The following KCTD8 variants were observed in gnomAD, a reference collection of about 807,000 sequenced individuals.
KCTD8 encodes the protein BTB/POZ domain-containing protein KCTD8.
A neutral mutation model predicts 31.5 loss-of-function variants in KCTD8; 27 were observed. The ratio of observed to expected loss-of-function variants is 0.86; its 90% CI spans 0.63 to 1.18. KCTD8 has a LOEUF of 1.18. Among genes scored for constraint, KCTD8 ranks in the 50% most tolerant of loss-of-function variants. KCTD8 has a pLI of 0.00. For synonymous variants in KCTD8, 290 were observed against 280.0 expected (o/e 1.04, Z -0.36); for missense variants, 658 against 647.7 (o/e 1.02, Z -0.17).
At chr4:44,381,763 C>T (rs570659281) in intron 1 of KCTD8, among the ~76,000 whole-genome samples, 2 of 151,968 alleles carry the variant, frequency 1.3e-5, no homozygotes, top group African/African-American at 4.8e-5. Flanking sequence ...TGCCTCCCCA[C>T]TTCTCTCTTG....
At chr4:44,418,435 T>C (rs1721130979) in intron 1 of KCTD8, among the ~76,000 whole-genome samples, 1 of 151,814 alleles carries the variant, frequency 6.6e-6, no homozygotes, top group Non-Finnish European at 1.5e-5. Flanking sequence ...AATATCTTTC[T>C]AACCAATTAT....
At chr4:44,268,155 G>A (rs1716451342) in intron 1 of KCTD8, among the ~76,000 whole-genome samples, 1 of 152,092 alleles carries the variant, frequency 6.6e-6, no homozygotes, top group Admixed American at 6.6e-5. Flanking sequence ...TAAAATACTG[G>A]CAAACCGAAT....
At chr4:44,250,662 C>T (rs1312929583) in intron 1 of KCTD8, among the ~76,000 whole-genome samples, 1 of 151,728 alleles carries the variant, frequency 6.6e-6, no homozygotes, top group Non-Finnish European at 1.5e-5. Context: ...AGTTGATGAT[C>T]ATTTTATATA....
intron 1 of KCTD8, among the ~76,000 whole-genome samples, chr4:44,317,970 T>G (rs899405573): frequency 5.3e-5 from 8 of 152,296 alleles, no homozygotes; most frequent in Middle Eastern, 3.4e-3. Flanking sequence ...TTTCAGATGT[T>G]TCTAAAGGCA....
intron 1 of KCTD8, among the ~76,000 whole-genome samples, chr4:44,197,504 A>T (rs2109337725): frequency 6.6e-6 from 1 of 152,346 alleles, no homozygotes; most frequent in African/African-American, 2.4e-5. Flanking sequence ...TCTGCTGGCC[A>T]TCATGCTTAA....
At chr4:44,231,447 TACTG>T (rs1715115392) in intron 1 of KCTD8, among the ~76,000 whole-genome samples, 1 of 152,222 alleles carries the variant, frequency 6.6e-6, no homozygotes, top group African/African-American at 2.4e-5. Flanking sequence ...CATTTAACAA[TACTG>T]ACTTTGTTCA....
At chr4:44,346,429 C>T (rs1337518910) in intron 1 of KCTD8, among the ~76,000 whole-genome samples, 1 of 151,992 alleles carries the variant, frequency 6.6e-6, no homozygotes, top group Non-Finnish European at 1.5e-5. Context: ...ATATTCAAAG[C>T]GACAATTTCA....
chr4:44,298,442 T>A (rs923375607), intron 1 of KCTD8, among the ~76,000 whole-genome samples: 2 of 149,902 alleles, frequency 1.3e-5, no homozygotes, highest in Non-Finnish European at 3.0e-5. Context: ...TATAATAAAA[T>A]TAACTAAGAT....
At position 44,447,558 on chromosome 4, in the gene KCTD8, C is replaced by T; in HGVS notation, c.961+5G>A. 1 of 1,547,234 alleles carries T rather than the reference C, an allele frequency of 6.5e-7. No homozygotes were observed. Among genetic ancestry groups the T allele is most frequent in the Non-Finnish European group, 8.8e-7 (1 of 1,141,492 alleles). ...TGCTGGGAAACGCCGGGGCTGCGAACTTACGGAAGAAAATGTACTCGGTGT... is the reference window on the plus strand; with the variant it reads ...TGCTGGGAAACGCCGGGGCTGCGAATTTACGGAAGAAAATGTACTCGGTGT... On this transcript the variant is annotated splice_donor_5th_base_variant and intron_variant, in intron 1 of 1. Transcript: ENST00000360029.
At chr4:44,442,242 C>A in intron 1 of KCTD8, among the ~76,000 whole-genome samples, 1 of 151,854 alleles carries the variant, frequency 6.6e-6, no homozygotes, top group East Asian at 1.9e-4. Context: ...GTTATTTAAT[C>A]TTATTTTTTG....
At chr4:44,363,707 T>C (rs1017009985) in intron 1 of KCTD8, among the ~76,000 whole-genome samples, 1 of 152,112 alleles carries the variant, frequency 6.6e-6, no homozygotes, top group African/African-American at 2.4e-5. Context: ...ATACACACAG[T>C]AGTCACTTTT....
chr4:44,275,514 T>A (rs1716728058), intron 1 of KCTD8, among the ~76,000 whole-genome samples: 1 of 151,984 alleles, frequency 6.6e-6, no homozygotes, highest in Admixed American at 6.6e-5. Flanking sequence ...GAGGAGAAAG[T>A]TTTTAGTCAT....
chr4:44,224,911 TC>T (rs1231434525), intron 1 of KCTD8, among the ~76,000 whole-genome samples: 6 of 151,976 alleles, frequency 3.9e-5, no homozygotes, highest in Non-Finnish European at 8.8e-5. Context: ...CATCACTACT[TC>T]TTAACCCCCT....
intron 1 of KCTD8, among the ~76,000 whole-genome samples, chr4:44,192,475 T>TACACACACACAC (rs34405384): frequency 2.1e-4 from 29 of 137,190 alleles, no homozygotes; most frequent in Non-Finnish European, 4.0e-4. Flanking sequence ...TAAGCAAAGA[T>TACACACACACAC]ACACACACAC....
At chr4:44,275,076 T>A (rs1716714773) in intron 1 of KCTD8, among the ~76,000 whole-genome samples, 1 of 151,942 alleles carries the variant, frequency 6.6e-6, no homozygotes, top group South Asian at 2.1e-4. Context: ...CGTCTACATA[T>A]GAGACAGGAT....
intron 1 of KCTD8, among the ~76,000 whole-genome samples, chr4:44,401,250 G>A (rs1720646202): frequency 6.6e-6 from 1 of 152,050 alleles, no homozygotes; most frequent in South Asian, 2.1e-4. Context: ...CAAGACTTCA[G>A]AATTGCTACT....
At chr4:44,257,484 A>T (rs912624405) in intron 1 of KCTD8, among the ~76,000 whole-genome samples, 5 of 152,030 alleles carry the variant, frequency 3.3e-5, no homozygotes, top group Non-Finnish European at 7.4e-5. Flanking sequence ...CATGCCATGC[A>T]TATTTAATTA....
At chr4:44,376,865 G>C (rs982962896) in intron 1 of KCTD8, among the ~76,000 whole-genome samples, 7 of 152,134 alleles carry the variant, frequency 4.6e-5, no homozygotes, top group African/African-American at 1.7e-4. Flanking sequence ...GGCAAAGGAG[G>C]TAACATGCAG....
At chr4:44,418,610 T>A (rs974217922) in intron 1 of KCTD8, among the ~76,000 whole-genome samples, 1 of 152,150 alleles carries the variant, frequency 6.6e-6, no homozygotes, top group Non-Finnish European at 1.5e-5. Flanking sequence ...AAAGAAAAAA[T>A]TTTAAAAAAT....
Sources: allele counts gnomAD v4.1 joint callset (sites outside exome capture counted in the v4.1 genomes callset), GRCh38; gene constraint gnomAD v4.1.1; transcripts MANE v1.5; gene names NCBI Gene and HGNC (gene_info 2026-07-23, HGNC 2026-07-21).